CP: variants seen among roughly 807,000 people sequenced by gnomAD.
CP encodes ceruloplasmin, also known as caeruloplasmin.
Under a neutral mutation model 122.4 loss-of-function variants are expected in CP, and 64 were observed. The ratio of observed to expected loss-of-function variants is 0.52; its 90% confidence interval spans 0.43 to 0.64. The LOEUF is 0.64. Ranked by LOEUF, CP falls within the 30% of genes least tolerant of loss-of-function variation. The probability of loss-of-function intolerance (pLI) is 0.00; values close to 1 mark genes in which losing one functional copy is unlikely to be tolerated. For missense variants in CP, 1,167 were observed against 1,284.4 expected (o/e 0.91, Z 1.40); for synonymous variants, 440 against 436.4 (o/e 1.01, Z -0.10).
At chr3:149,212,767 T>A in intron 1 of CP, 69 bp from the exon 2 acceptor site, 1 of 1,526,150 alleles carries the variant, frequency 6.6e-7, no homozygotes, top group South Asian at 1.2e-5. Flanking sequence ...CATTATAATT[T>A]AATAACATTA....
downstream of CP, among the ~76,000 whole-genome samples, chr3:149,168,995 A>T (rs1232827440): frequency 2.6e-5 from 4 of 151,778 alleles, no homozygotes; most frequent in Non-Finnish European, 4.4e-5. Flanking sequence ...ATTCCTCCAA[A>T]TGTTGCATTT....
intron 6 of CP, among the ~76,000 whole-genome samples, chr3:149,205,844 TA>T (rs1727676460): frequency 6.6e-6 from 1 of 152,204 alleles, no homozygotes; most frequent in African/African-American, 2.4e-5. Context: ...TGCAATAGTG[TA>T]ACTGTACTTA....
At chr3:149,210,439 T>A in intron 2 of CP, 60 bp from the exon 3 acceptor site, 1 of 1,349,612 alleles carries the variant, frequency 7.4e-7, no homozygotes, top group Non-Finnish European at 1.1e-6. Flanking sequence ...AATGAGAGAA[T>A]AGATAGTCCA....
At position 149,206,150 on chromosome 3, in the gene CP, T is replaced by C. The variant is rs1727698302; in HGVS notation, c.1208+18A>G. Reference sequence around the variant, plus strand: ...GGGAGAGCATATTTTGAAATAGTACTCTTTTTTTGTAAATTACCTTCCAGG... The same window carrying C: ...GGGAGAGCATATTTTGAAATAGTACCCTTTTTTTGTAAATTACCTTCCAGG... On this transcript the variant is annotated intron_variant, in intron 6 of 18. Transcript: ENST00000264613. The C allele has an allele frequency of 1.2e-6, 2 of 1,611,322 alleles. No individual in the cohort carries two copies. Among genetic ancestry groups the C allele is most frequent in the Admixed American group, 1.7e-5 (1 of 59,984 alleles).
rs1576720965 is a variant in CP at position 149,173,406 on chromosome 3, T to G, written c.*308A>C. The G allele has an allele frequency of 1.4e-5, 3 of 217,532 alleles. No homozygotes were observed. The East Asian group carries it at 3.3e-4, about 24-fold the overall frequency. 13.5% of individuals were successfully genotyped at this position (217,532 alleles called of 1,614,324 possible). A position where few individuals can be genotyped will look rare whatever the true frequency, so the allele number is the denominator to read the frequency against. On this transcript the variant is annotated 3_prime_UTR_variant, in exon 19 of 19. Coordinates refer to ENST00000264613, the MANE Select transcript of CP (RefSeq NM_000096.4). The stretch of plus-strand genomic sequence containing the variant: ...CCTTTGAGGAGCACCCAGGAGAATA[T>G]CTGGTCATAGATCTTTTTTTAAATG...
chr3:149,204,724 T>A (rs913761661), intron 6 of CP, among the ~76,000 whole-genome samples: 1 of 152,172 alleles, frequency 6.6e-6, no homozygotes, highest in Non-Finnish European at 1.5e-5. Flanking sequence ...GGAAGTGATA[T>A]ATGAGTAAAG....
At chr3:149,179,499 C>T (rs1376136640) in intron 15 of CP, 57 bp downstream of exon 15, 2 of 1,285,710 alleles carry the variant, frequency 1.6e-6, no homozygotes, top group Non-Finnish European at 2.3e-6. Flanking sequence ...ACCTTGTCTT[C>T]CTTCAATTGT....
intron 1 of CP, among the ~76,000 whole-genome samples, chr3:149,214,247 A>G (rs923393574): frequency 6.6e-6 from 1 of 152,126 alleles, no homozygotes; most frequent in African/African-American, 2.4e-5. Flanking sequence ...GGCTATATAG[A>G]TTAAGCCTGA....
At chr3:149,214,114 A>G (rs1728296974) in intron 1 of CP, among the ~76,000 whole-genome samples, 2 of 152,132 alleles carry the variant, frequency 1.3e-5, no homozygotes, top group Admixed American at 1.3e-4. Context: ...AGAGGCTCTA[A>G]GGTTGAAGAT....
At chr3:149,204,243 T>C (rs983187262) in intron 6 of CP, among the ~76,000 whole-genome samples, 1 of 152,172 alleles carries the variant, frequency 6.6e-6, no homozygotes, top group Non-Finnish European at 1.5e-5. Flanking sequence ...ATTAGCATTT[T>C]AGGAGGATCC....
intron 6 of CP, among the ~76,000 whole-genome samples, chr3:149,205,038 G>A (rs1417370871): frequency 6.6e-6 from 1 of 151,904 alleles, no homozygotes; most frequent in East Asian, 1.9e-4. Context: ...CTTCAAAAAT[G>A]GCTGAAGGAC....
At chr3:149,189,854 A>G (rs965461820) in intron 9 of CP, among the ~76,000 whole-genome samples, 1 of 152,188 alleles carries the variant, frequency 6.6e-6, no homozygotes, top group Non-Finnish European at 1.5e-5. Flanking sequence ...TCAAGGACAA[A>G]AAGTAAAAAA....
Position 149,206,253 on chromosome 3 carries a change from A to G in CP, c.1123T>C (p.Tyr375His), listed in dbSNP as rs386134128. 5.0e-6 allele frequency: 8 copies of G among 1,614,038 alleles called. No individual in the cohort carries two copies. Among genetic ancestry groups the G allele is most frequent in the Non-Finnish European group, 6.8e-6 (8 of 1,179,892 alleles). Residue 375 changes from tyrosine (Y) to histidine (H), a missense_variant, in exon 6 of 19, where the codon TAC becomes CAC. This residue lies in a region of CP where 642 missense variants were observed against 627.3 expected (regional missense o/e 1.02). Transcript: ENST00000264613. ...CAGATGATTTCCTCAGCGGCAATGT[A>G]GTAGTGTCTAACATGCTTCCCACGG... is the stretch of plus-strand genomic sequence containing the variant. ...NIRGKHVRHY[Y>H]IAAEEIIWNY...
intron 1 of CP, among the ~76,000 whole-genome samples, chr3:149,220,829 G>A (rs1728761822): frequency 6.6e-6 from 1 of 152,080 alleles, no homozygotes; most frequent in South Asian, 2.1e-4. Flanking sequence ...TGAATTCCAA[G>A]TTCCCATTTG....
At chr3:149,188,472 C>T (rs550731911) in intron 9 of CP, among the ~76,000 whole-genome samples, 54 of 96,834 alleles carry the variant, frequency 5.6e-4, no homozygotes, top group African/African-American at 2.0e-3. Context: ...CCACATTGTG[C>T]ATACCAATTG....
chr3:149,180,118 A>G (rs1725682392), intron 14 of CP: 1 of 192,882 alleles, frequency 5.2e-6, no homozygotes, highest in Admixed American at 5.4e-5. Context: ...CAGCTTCAGC[A>G]TTGGCTTCCT....
chr3:149,199,856 T>C lies in CP; in HGVS notation c.1357A>G (p.Ile453Val), dbSNP rs145762017. 1.9e-4 allele frequency: 310 copies of C among 1,613,932 alleles called. No individual in the cohort carries two copies. The highest frequency in any genetic ancestry group is 2.4e-4 in the Non-Finnish European group (287 of 1,179,930). Reference sequence around the variant, plus strand: ...ATGGTGTCTCCCACCTCTGCCCAAATGACAGGACCTGGGAACAAAGAGAGA... The same window carrying C: ...ATGGTGTCTCCCACCTCTGCCCAAACGACAGGACCTGGGAACAAAGAGAGA... ...EEHLGILGPV[I>V]WAEVGDTIRV... Residue 453 changes from isoleucine to valine, a missense_variant, in exon 8 of 19, where the codon ATT (isoleucine) becomes GTT (valine). Ile to Val is a conservative substitution (Grantham distance 29). This residue lies in a region of CP where 642 missense variants were observed against 627.3 expected (regional missense o/e 1.02). Transcript: ENST00000264613.
At chr3:149,166,932 T>C in intron 4 of CP, 1 of 878,462 alleles carries the variant, frequency 1.1e-6, no homozygotes, top group Admixed American at 1.7e-5. Flanking sequence ...TTCTATTTTA[T>C]TTTTGGCAAG....
At position 149,212,532 on chromosome 3, in the gene CP, C is replaced by A; in HGVS notation, c.313G>T (p.Val105Phe). The part of the protein sequence containing the change: ...PIIKAETGDK[V>F]YVHLKNLASR... ...GCAAGGTTTTTTAAGTGTACATAAA[C>A]TTTATCTCCAGTTTCAGCTTTGATA... Residue 105 changes from valine (V) to phenylalanine (F), a missense_variant, in exon 2 of 19, where the codon GTT becomes TTT. Physicochemically the swap from Val to Phe is conservative, Grantham distance 50. Around this residue, in one of 2 missense-constraint regions of CP, gnomAD observed 642 missense variants for 627.3 expected, o/e 1.02. Coordinates refer to ENST00000264613, the MANE Select transcript of CP (RefSeq NM_000096.4). 2 of 1,614,020 alleles carry A rather than the reference C, an allele frequency of 1.2e-6. No individual in the cohort carries two copies. Among genetic ancestry groups the A allele is most frequent in the Non-Finnish European group, 8.5e-7 (1 of 1,179,968 alleles).
Sources: allele counts gnomAD v4.1 joint callset (sites outside exome capture counted in the v4.1 genomes callset), GRCh38; gene constraint gnomAD v4.1.1; regional missense constraint gnomAD v4.1.1; transcripts MANE v1.5; gene names NCBI Gene and HGNC (gene_info 2026-07-23, HGNC 2026-07-21).